Variants in SOX30 observed in about 807,000 individuals in gnomAD.
SOX30 encodes the protein transcription factor SOX-30.
SOX30 carries 17 observed loss-of-function variants against 58.6 expected under a neutral mutation model. The ratio of observed to expected loss-of-function variants is 0.29; its 90% confidence interval spans 0.20 to 0.44. SOX30 has a LOEUF of 0.44. Ranked by LOEUF, SOX30 falls within the 20% of genes least tolerant of loss-of-function variation. SOX30 has a pLI of 1.00. For synonymous variants in SOX30, 421 were observed against 400.2 expected (o/e 1.05, Z -0.62); for missense variants, 951 against 965.8 (o/e 0.98, Z 0.20).
chr5:157,667,715 G>T, intron 2 of SOX30: 1 of 1,498,160 alleles, frequency 6.7e-7, no homozygotes, highest in Non-Finnish European at 8.9e-7. Context: ...CTCCAGCCTG[G>T]GCGACAGAGC....
At chr5:157,647,732 T>C (rs866428959) in intron 2 of SOX30, among the ~76,000 whole-genome samples, 1 of 151,864 alleles carries the variant, frequency 6.6e-6, no homozygotes, top group Admixed American at 6.6e-5. Flanking sequence ...TTTTTTTATT[T>C]TTTTTTTTAG....
chr5:157,644,702 C>G (rs1457570956), intron 3 of SOX30, among the ~76,000 whole-genome samples: 3 of 152,178 alleles, frequency 2.0e-5, no homozygotes, highest in African/African-American at 7.2e-5. Flanking sequence ...ATAACACAGG[C>G]TGGGCATGGT....
At position 157,652,290 on chromosome 5, in the gene SOX30, C is replaced by G. The variant is rs868179812; in HGVS notation, c.-212G>C. 2.8e-5 allele frequency: 35 copies of G among 1,245,462 alleles called. No individual in the cohort carries two copies. The highest frequency in any genetic ancestry group is 3.3e-5 in the Non-Finnish European group (33 of 997,570). 77.2% of individuals were successfully genotyped at this position (1,245,462 alleles called of 1,614,324 possible). A position where few individuals can be genotyped will look rare whatever the true frequency, so the allele number is the denominator to read the frequency against. On this transcript the variant is annotated 5_prime_UTR_variant, in exon 1 of 5. Transcript: ENST00000265007. The stretch of plus-strand genomic sequence containing the variant: ...GGCGGGTTTTCCGGCTCTTCCTGGT[C>G]CCTACTCTCGCCTCGTGCTGAGTCC...
intron 2 of SOX30, among the ~76,000 whole-genome samples, chr5:157,666,998 G>A (rs923505707): frequency 6.6e-6 from 1 of 152,162 alleles, no homozygotes. Context: ...GAGCCACCAT[G>A]CCTGGCCAAG....
At chr5:157,646,965 G>T in intron 2 of SOX30, 149 bp from the exon 3 acceptor site, 1 of 636,266 alleles carries the variant, frequency 1.6e-6, no homozygotes, top group Non-Finnish European at 2.7e-6. Context: ...TTATTTCAGT[G>T]AATGACTTCT....
chr5:157,640,043 C>T (rs1276547678), intron 3 of SOX30, among the ~76,000 whole-genome samples: 1 of 152,216 alleles, frequency 6.6e-6, no homozygotes, highest in Non-Finnish European at 1.5e-5. Context: ...GCCCCACTAT[C>T]TGTGAGGCAC....
At chr5:157,646,598 C>T (rs1759198324) in intron 3 of SOX30, 39 bp downstream of exon 3, 1 of 1,467,244 alleles carries the variant, frequency 6.8e-7, no homozygotes, top group South Asian at 1.2e-5. Flanking sequence ...TTTCTTGCAG[C>T]TATTTAAAAA....
intron 2 of SOX30, among the ~76,000 whole-genome samples, chr5:157,664,635 A>G (rs1422478466): frequency 6.6e-6 from 1 of 152,234 alleles, no homozygotes; most frequent in Non-Finnish European, 1.5e-5. Flanking sequence ...TCTGCACATC[A>G]AAAGAAACTA....
At chr5:157,647,212 C>T (rs1265358470) in intron 2 of SOX30, among the ~76,000 whole-genome samples, 1 of 151,918 alleles carries the variant, frequency 6.6e-6, no homozygotes, top group Non-Finnish European at 1.5e-5. Context: ...CAGGTGCATG[C>T]CACCACACCC....
intron 2 of SOX30, among the ~76,000 whole-genome samples, chr5:157,660,641 T>A (rs1759561246): frequency 6.6e-6 from 1 of 152,030 alleles, no homozygotes; most frequent in African/African-American, 2.4e-5. Context: ...ATTATAGGCA[T>A]GAGTCACCGT....
chr5:157,669,490 A>T (rs183867379), intron 1 of SOX30, among the ~76,000 whole-genome samples: 17 of 111,920 alleles, frequency 1.5e-4, no homozygotes, highest in African/African-American at 4.3e-4. Context: ...CATCAATTTT[A>T]TTTATTTATT....
chr5:157,646,709 C>T lies in SOX30; in HGVS notation c.1315G>A (p.Val439Ile). ...QNIISTNPTTVYPYRSPTYSV... is the reference protein window; with the variant it reads ...QNIISTNPTTIYPYRSPTYSV... ...TACGTAGGTGAGCGGTAAGGATAAACTGTTGTAGGATTTGTAGAGATGATA... is the reference window on the plus strand; with the variant it reads ...TACGTAGGTGAGCGGTAAGGATAAATTGTTGTAGGATTTGTAGAGATGATA... Residue 439 changes from valine to isoleucine, a missense_variant, in exon 3 of 5, where the codon GTT (valine) becomes ATT (isoleucine). Coordinates refer to ENST00000265007, the MANE Select transcript of SOX30 (RefSeq NM_178424.2). 1 of 1,613,434 alleles carries T rather than the reference C, an allele frequency of 6.2e-7. No individual in the cohort carries two copies. The highest frequency in any genetic ancestry group is 2.2e-5 in the East Asian group (1 of 44,874).
intron 2 of SOX30, among the ~76,000 whole-genome samples, chr5:157,666,276 T>C (rs1759669160): frequency 6.6e-6 from 1 of 152,046 alleles, no homozygotes; most frequent in African/African-American, 2.4e-5. Flanking sequence ...CACCTCCACC[T>C]CAGCCTCCAG....
chr5:157,645,407 T>C (rs767073319), intron 3 of SOX30, among the ~76,000 whole-genome samples: 28 of 152,310 alleles, frequency 1.8e-4, no homozygotes, highest in Middle Eastern at 3.4e-3. Context: ...TTCACACTTA[T>C]AATCCTGGCA....
At chr5:157,650,364 AC>A (rs760925715) in intron 1 of SOX30, among the ~76,000 whole-genome samples, 31 of 152,300 alleles carry the variant, frequency 2.0e-4, no homozygotes, top group Non-Finnish European at 4.3e-4. Context: ...AAAAATATGA[AC>A]CAAAGATTAA....
chr5:157,669,800 T>C (rs764791501), intron 1 of SOX30, among the ~76,000 whole-genome samples: 3 of 152,180 alleles, frequency 2.0e-5, no homozygotes, highest in Non-Finnish European at 2.9e-5. Flanking sequence ...ATTACAGGCA[T>C]GAGCCACGGC....
intron 2 of SOX30, among the ~76,000 whole-genome samples, chr5:157,658,421 T>C (rs1291839341): frequency 1.3e-5 from 2 of 152,222 alleles, no homozygotes; most frequent in African/African-American, 4.8e-5. Flanking sequence ...CTTATTCCTC[T>C]GAACCAACTA....
At position 157,652,210 on chromosome 5, in the gene SOX30, T is replaced by G. The variant is rs1561587316; in HGVS notation, c.-132A>C. The G allele has an allele frequency of 3.4e-5, 45 of 1,315,148 alleles. No homozygotes were observed. The highest frequency in any genetic ancestry group is 4.2e-5 in the Non-Finnish European group (44 of 1,039,496). The allele number at this position is 1,315,148 out of a possible 1,614,324, so 81.5% of individuals were successfully genotyped here. On this transcript the variant is annotated 5_prime_UTR_variant, in exon 1 of 5. Transcript: ENST00000265007. ...CCCTACGCGGTTCAAAACGCAGCTG[T>G]CTGTCTGGGCCTCACCCAATCACAA...
At chr5:157,653,941 C>T (rs112906955), upstream of SOX30, among the ~76,000 whole-genome samples, 14 of 152,016 alleles carry the variant, frequency 9.2e-5, no homozygotes, top group African/African-American at 2.2e-4. Flanking sequence ...CTGAGGCAGG[C>T]GGATCACTTG....
Sources: gnomAD v4.1 joint callset for allele counts (sites outside exome capture counted in the v4.1 genomes callset) on GRCh38, gnomAD v4.1.1 for gene constraint, MANE v1.5 for transcripts, NCBI Gene and HGNC (gene_info 2026-07-23, HGNC 2026-07-21) for gene names.